Variants in UBOX5 observed in about 807,000 individuals in gnomAD.
UBOX5 encodes RING finger protein 37.
A neutral mutation model predicts 39.0 loss-of-function variants in UBOX5; 28 were observed. The observed-to-expected ratio is 0.72, with a 90% CI of 0.53 to 0.98. UBOX5 has a LOEUF of 0.98. Among genes scored for constraint, UBOX5 ranks in the 50% least tolerant of loss-of-function variants. UBOX5 has a pLI of 0.00. For synonymous variants in UBOX5, 283 were observed against 275.5 expected, an observed-to-expected ratio of 1.03 and a Z score of -0.27; for missense variants, 585 against 674.4, an observed-to-expected ratio of 0.87 and a Z score of 1.47.
At chr20:3,115,608 G>A (rs1053468180) in intron 3 of UBOX5, 142 bp from the exon 4 acceptor site, 8 of 966,928 alleles carry the variant, frequency 8.3e-6, no homozygotes, top group African/African-American at 1.7e-5. Flanking sequence ...GTCTACTGGC[G>A]GACCATGACA....
chr20:3,128,793 T>G (rs1247118635), intron 1 of UBOX5, among the ~76,000 whole-genome samples: 1 of 152,070 alleles, frequency 6.6e-6, no homozygotes, highest in Non-Finnish European at 1.5e-5. Flanking sequence ...AAGCCAGGAG[T>G]GCAAGGTTAC....
At position 3,123,321 on chromosome 20, in the gene UBOX5, G is replaced by A. The variant is rs6115798; in HGVS notation, c.45C>T (p.His15=). 2.5e-3 allele frequency: 3,995 copies of A among 1,613,962 alleles called. 66 individuals carry two copies. In the African/African-American group the frequency reaches 0.04, roughly 16 times the overall value. The change falls in exon 2 of 5, where the codon CAC becomes CAT. Residue 15 remains histidine (H), a synonymous_variant. Transcript: ENST00000217173. ...LCLPQFRPRI[H]CNKISADGYE... The stretch of plus-strand genomic sequence containing the variant: ...TATTTGTTTTGTTTACCTTGTTGCA[G>A]TGAATTCTTGGTCTGAACTGTGGGA...
chr20:3,148,381 G>C (rs1171265924), intron 1 of UBOX5: 17 of 1,613,974 alleles, frequency 1.1e-5, no homozygotes, highest in Non-Finnish European at 1.4e-5. Context: ...GGCAACACTT[G>C]GTCTCATACA....
intron 1 of UBOX5, among the ~76,000 whole-genome samples, chr20:3,134,309 T>C (rs2066452444): frequency 6.6e-6 from 1 of 152,114 alleles, no homozygotes; most frequent in Admixed American, 6.6e-5. Flanking sequence ...CACTGCCCTA[T>C]TACTTATGTT....
chr20:3,150,949 A>G (rs1452082551), intron 1 of UBOX5: 2 of 152,122 alleles, frequency 1.3e-5, no homozygotes, highest in African/African-American at 4.8e-5. Context: ...GTGGCATGAT[A>G]ACTGCAGCTT....
At chr20:3,147,738 G>T (rs779103779) in intron 1 of UBOX5, 1 of 1,614,092 alleles carries the variant, frequency 6.2e-7, no homozygotes, top group East Asian at 2.2e-5. Context: ...TCTGCATTGG[G>T]TGGCTTATAA....
At chr20:3,142,851 C>G (rs2066529513) in intron 1 of UBOX5, among the ~76,000 whole-genome samples, 1 of 150,018 alleles carries the variant, frequency 6.7e-6, no homozygotes, top group Non-Finnish European at 1.5e-5. Context: ...CCCCTAAAAT[C>G]CAGAACAAGA....
Position 3,108,866 on chromosome 20 carries a change from G to A in UBOX5, c.*1240C>T, listed in dbSNP as rs1228463811. On this transcript the variant is annotated 3_prime_UTR_variant, in exon 5 of 5. Transcript: ENST00000217173. The stretch of plus-strand genomic sequence containing the variant: ...AAGGATCCCTTAAGCCCAGGAGTTC[G>A]AGGCTGCAATGAGTTATGATTGCAC... 1 of 150,772 alleles carries A rather than the reference G, an allele frequency of 6.6e-6. No individual in the cohort carries two copies. Among genetic ancestry groups the A allele is most frequent in the Non-Finnish European group, 1.5e-5 (1 of 67,942 alleles). The allele number at this position is 150,772 out of a possible 1,614,324, so 9.3% of individuals were successfully genotyped here. A position where few individuals can be genotyped will look rare whatever the true frequency, so the allele number is the denominator to read the frequency against.
intron 1 of UBOX5, among the ~76,000 whole-genome samples, chr20:3,138,742 C>T (rs2066491452): frequency 6.6e-6 from 1 of 152,114 alleles, no homozygotes; most frequent in South Asian, 2.1e-4. Flanking sequence ...ACCAACAAAC[C>T]TTTTGTTTTT....
intron 1 of UBOX5, among the ~76,000 whole-genome samples, chr20:3,134,707 A>G (rs1410702473): frequency 4.0e-5 from 6 of 151,684 alleles, no homozygotes; most frequent in African/African-American, 1.5e-4. Flanking sequence ...AAAAATACAA[A>G]AATTAGCCAG....
intron 4 of UBOX5, 102 bp from the exon 5 acceptor site, chr20:3,110,416 T>TG: frequency 7.4e-7 from 1 of 1,345,174 alleles, no homozygotes; most frequent in Non-Finnish European, 1.1e-6. Context: ...CTGCAGCATC[T>TG]GGCTTCATCC....
intron 1 of UBOX5, chr20:3,147,620 T>C: frequency 6.2e-7 from 1 of 1,614,216 alleles, no homozygotes; most frequent in East Asian, 2.2e-5. Context: ...TACTGGAAAG[T>C]ACTCCAAAAA....
intron 3 of UBOX5, among the ~76,000 whole-genome samples, chr20:3,120,634 A>G (rs1409159785): frequency 6.6e-6 from 1 of 150,846 alleles, no homozygotes; most frequent in Non-Finnish European, 1.5e-5. Context: ...CGACACAGCG[A>G]GACTCCATCT....
intron 1 of UBOX5, among the ~76,000 whole-genome samples, chr20:3,145,361 G>C (rs2066551093): frequency 6.6e-6 from 1 of 151,550 alleles, no homozygotes; most frequent in South Asian, 2.1e-4. Context: ...CCATGTTGCT[G>C]GTCTGGAACT....
intron 2 of UBOX5, 125 bp downstream of exon 2, chr20:3,123,187 G>T (rs2066351770): frequency 2.1e-6 from 2 of 960,246 alleles, no homozygotes; most frequent in Admixed American, 4.0e-5. Context: ...CCATCTGATG[G>T]AATCTAAAGT....
chr20:3,112,004 G>A (rs1189949603), intron 4 of UBOX5, among the ~76,000 whole-genome samples: 1 of 152,234 alleles, frequency 6.6e-6, no homozygotes, highest in Admixed American at 6.5e-5. Flanking sequence ...CCAGGAAAGA[G>A]TGGCCTGGCT....
intron 1 of UBOX5, chr20:3,147,212 T>A (rs752882767): frequency 1.2e-6 from 2 of 1,614,212 alleles, no homozygotes; most frequent in East Asian, 2.2e-5. Context: ...GACTCCCACA[T>A]GCTCAAGCCT....
At chr20:3,129,684 A>C (rs2066415044) in intron 1 of UBOX5, among the ~76,000 whole-genome samples, 2 of 152,320 alleles carry the variant, frequency 1.3e-5, no homozygotes, top group South Asian at 4.1e-4. Flanking sequence ...TGTCTGTTCT[A>C]TATGGTATCC....
intron 3 of UBOX5, among the ~76,000 whole-genome samples, chr20:3,121,084 GA>G (rs2066331427): frequency 6.6e-6 from 1 of 152,172 alleles, no homozygotes; most frequent in Non-Finnish European, 1.5e-5. Flanking sequence ...CACATAAAGG[GA>G]CCCCAAGGAA....
Sources: allele counts gnomAD v4.1 joint callset (sites outside exome capture counted in the v4.1 genomes callset), GRCh38; gene constraint gnomAD v4.1.1; transcripts MANE v1.5; gene names NCBI Gene and HGNC (gene_info 2026-07-23, HGNC 2026-07-21).